Variants in GASK1B observed in about 807,000 individuals in gnomAD.
GASK1B encodes the protein golgi associated kinase 1B, also known as Golgi-associated kinase 1B.
GASK1B carries 34 observed loss-of-function variants against 42.8 expected under a neutral mutation model. That is an observed-to-expected ratio of 0.79 (90% CI 0.60 to 1.06). GASK1B has a LOEUF of 1.06. Ranked by LOEUF, GASK1B falls within the 50% of genes least tolerant of loss-of-function variation. The probability of loss-of-function intolerance (pLI) is 0.00; values close to 1 mark genes in which losing one functional copy is unlikely to be tolerated. For synonymous variants in GASK1B, 262 were observed against 259.1 expected, an observed-to-expected ratio of 1.01 and a Z score of -0.11; for missense variants, 686 against 661.0, an observed-to-expected ratio of 1.04 and a Z score of -0.42.
chr4:158,158,450 T>C (rs968382878), intron 2 of GASK1B, among the ~76,000 whole-genome samples: 3 of 152,090 alleles, frequency 2.0e-5, no homozygotes, highest in Non-Finnish European at 2.9e-5. Context: ...CTTACATTTC[T>C]ACCAGGAGAA....
At chr4:158,144,700 A>G (rs1007802660) in intron 3 of GASK1B, among the ~76,000 whole-genome samples, 1 of 152,214 alleles carries the variant, frequency 6.6e-6, no homozygotes, top group Non-Finnish European at 1.5e-5. Context: ...TAGATCCACC[A>G]GTTCAGCATG....
rs2110917133 is a variant in GASK1B at position 158,127,197 on chromosome 4, A to C, written c.*210T>G. 2.4e-6 allele frequency: 1 copy of C among 409,642 alleles called. No homozygotes were observed. Among genetic ancestry groups the C allele is most frequent in the East Asian group, 3.9e-5 (1 of 25,762 alleles). 25.4% of individuals were successfully genotyped at this position (409,642 alleles called of 1,614,324 possible). On this transcript the variant is annotated 3_prime_UTR_variant, in exon 5 of 5. Transcript: ENST00000585682. ...ATGATGTTAGAGAAAAATATAAACAAATATTTCTCAAGTAGTTTGTTTTTC... is the reference window on the plus strand; with the variant it reads ...ATGATGTTAGAGAAAAATATAAACACATATTTCTCAAGTAGTTTGTTTTTC...
intron 3 of GASK1B, among the ~76,000 whole-genome samples, chr4:158,151,832 T>C (rs1215955979): frequency 1.3e-5 from 2 of 152,180 alleles, no homozygotes; most frequent in Admixed American, 6.5e-5. Context: ...GTCAACTTGA[T>C]TGGATTGAAA....
chr4:158,170,164 C>G, intron 2 of GASK1B: 1 of 1,477,320 alleles, frequency 6.8e-7, no homozygotes, highest in Admixed American at 2.0e-5. Context: ...TGCAAATTGC[C>G]GTTGGCTTTA....
At chr4:158,153,660 A>G (rs761754116) in intron 3 of GASK1B, among the ~76,000 whole-genome samples, 1 of 152,224 alleles carries the variant, frequency 6.6e-6, no homozygotes, top group Non-Finnish European at 1.5e-5. Context: ...AAACAGGCAC[A>G]TAGACCAATG....
At chr4:158,158,924 C>T (rs1390942602) in intron 2 of GASK1B, among the ~76,000 whole-genome samples, 2 of 152,148 alleles carry the variant, frequency 1.3e-5, no homozygotes, top group East Asian at 1.9e-4. Context: ...TTTTGGCCTA[C>T]AGGCTATACA....
At chr4:158,170,107 A>C in intron 2 of GASK1B, 1 of 841,412 alleles carries the variant, frequency 1.2e-6, no homozygotes, top group Non-Finnish European at 1.8e-6. Flanking sequence ...AGTATGCCTG[A>C]CTGTCAGCAA....
chr4:158,161,184 A>C (rs2111005928), intron 2 of GASK1B, among the ~76,000 whole-genome samples: 1 of 152,288 alleles, frequency 6.6e-6, no homozygotes, highest in Non-Finnish European at 1.5e-5. Flanking sequence ...TAAAAAAATA[A>C]GTAAGGTGAT....
At chr4:158,167,678 G>A (rs1412206833) in intron 2 of GASK1B, among the ~76,000 whole-genome samples, 1 of 152,144 alleles carries the variant, frequency 6.6e-6, no homozygotes, top group Non-Finnish European at 1.5e-5. Flanking sequence ...CACTGACCTA[G>A]AGAGTAGTGG....
intron 3 of GASK1B, among the ~76,000 whole-genome samples, chr4:158,135,222 G>A (rs1730836691): frequency 6.7e-6 from 1 of 150,138 alleles, no homozygotes; most frequent in Non-Finnish European, 1.5e-5. Context: ...TCAGGAGGCT[G>A]AGGCAGGAGA....
intron 3 of GASK1B, among the ~76,000 whole-genome samples, chr4:158,141,597 C>CTTTT (rs199530247): frequency 1.8e-5 from 2 of 113,696 alleles, no homozygotes; most frequent in Admixed American, 9.1e-5. Flanking sequence ...TTGTATTTAC[C>CTTTT]TTTTTTTTTT....
intron 3 of GASK1B, among the ~76,000 whole-genome samples, chr4:158,150,452 C>A (rs1252462739): frequency 6.6e-6 from 1 of 152,138 alleles, no homozygotes; most frequent in Non-Finnish European, 1.5e-5. Context: ...CACTCTATCA[C>A]CCCAATAGAA....
Position 158,130,942 on chromosome 4 carries a change from C to G in GASK1B, c.1196G>C (p.Gly399Ala), listed in dbSNP as rs1387399295. 6.2e-7 allele frequency: 1 copy of G among 1,614,102 alleles called. No homozygotes were observed. Among genetic ancestry groups the G allele is most frequent in the South Asian group, 1.1e-5 (1 of 91,080 alleles). Residue 399 changes from glycine (G) to alanine (A), a missense_variant, in exon 4 of 5, where the codon GGA (glycine) becomes GCA (alanine). Physicochemically the swap from Gly to Ala is moderately conservative, Grantham distance 60. Transcript: ENST00000585682. ...TTGGTCATCACATTTTGGCCTCAAT[C>G]CATTCTGTACACAGGCATCTTCCTT... ...PRKEDACVQN[G>A]LRPKCDDQGS...
intron 3 of GASK1B, among the ~76,000 whole-genome samples, chr4:158,150,688 C>T (rs1208738602): frequency 6.6e-6 from 1 of 152,180 alleles, no homozygotes; most frequent in Non-Finnish European, 1.5e-5. Context: ...AGGATGCCTA[C>T]TTCACAGAAC....
chr4:158,147,974 G>C (rs910673822), intron 3 of GASK1B, among the ~76,000 whole-genome samples: 2 of 152,176 alleles, frequency 1.3e-5, no homozygotes, highest in African/African-American at 2.4e-5. Context: ...CATTTTGGGA[G>C]GCTGAGGTGG....
intron 2 of GASK1B, among the ~76,000 whole-genome samples, chr4:158,163,975 A>G (rs984449784): frequency 6.6e-6 from 1 of 152,232 alleles, no homozygotes; most frequent in African/African-American, 2.4e-5. Context: ...GCTATCTAGC[A>G]CTCCTGCACC....
At chr4:158,145,955 A>G (rs1731314717) in intron 3 of GASK1B, among the ~76,000 whole-genome samples, 1 of 152,226 alleles carries the variant, frequency 6.6e-6, no homozygotes. Context: ...AAATGTAAGT[A>G]TATGAAGAAG....
intron 3 of GASK1B, among the ~76,000 whole-genome samples, chr4:158,143,867 A>G (rs1348112566): frequency 6.6e-6 from 1 of 152,148 alleles, no homozygotes; most frequent in Non-Finnish European, 1.5e-5. Context: ...GTCTCCTGAA[A>G]TGTGATTATG....
At chr4:158,154,906 G>A (rs1303328478) in intron 3 of GASK1B, among the ~76,000 whole-genome samples, 1 of 152,112 alleles carries the variant, frequency 6.6e-6, no homozygotes, top group Non-Finnish European at 1.5e-5. Flanking sequence ...TGGGTACAGT[G>A]TACACTGATC....
Sources: gnomAD v4.1 joint callset for allele counts (sites outside exome capture counted in the v4.1 genomes callset) on GRCh38, gnomAD v4.1.1 for gene constraint, MANE v1.5 for transcripts, NCBI Gene and HGNC (gene_info 2026-07-23, HGNC 2026-07-21) for gene names.